Variants in NEBL observed in about 807,000 individuals in gnomAD.
The protein encoded by NEBL is nebulette.
Under a neutral mutation model 140.2 loss-of-function variants are expected in NEBL, and 122 were observed. The observed-to-expected ratio is 0.87, with a 90% CI of 0.75 to 1.01. NEBL has a LOEUF of 1.01. Ranked by LOEUF, NEBL falls within the 50% of genes least tolerant of loss-of-function variation. NEBL has a pLI of 0.00. For synonymous variants in NEBL, 436 were observed against 398.9 expected (o/e 1.09, Z -1.11); for missense variants, 1,365 against 1,231.3 (o/e 1.11, Z -1.62).
chr10:20,899,411 T>C (rs1315375461), upstream of NEBL: 2 of 1,304,062 alleles, frequency 1.5e-6, no homozygotes, highest in Admixed American at 4.6e-5. Flanking sequence ...TATTTCTCAT[T>C]TCCCATCACG....
rs1042533578 is a variant in NEBL, at chr10:20,967,665, G to A, written c.250-5886C>T. On this transcript the variant is annotated intron_variant, in intron 3 of 6. Coordinates refer to the NEBL transcript ENST00000417816. ...ACAAGTGCATACTGGTGAATGTATGGTGGGAGGGGGCTTGATAACAACTTT... is the reference window on the plus strand; with the variant it reads ...ACAAGTGCATACTGGTGAATGTATGATGGGAGGGGGCTTGATAACAACTTT... 9.9e-5 allele frequency among the ~76,000 whole-genome samples: 15 copies of A among 152,112 alleles called. No individual in the cohort carries two copies. In the East Asian group the frequency reaches 2.7e-3, roughly 28 times the overall value.
intron 6 of NEBL, 35 bp downstream of exon 6, chr10:20,869,705 A>G (rs1410451748): frequency 1.8e-5 from 26 of 1,448,286 alleles, no homozygotes; most frequent in Non-Finnish European, 2.2e-5. Context: ...AAAGTAAGAA[A>G]TCATTTCCGT....
intron 3 of NEBL, among the ~76,000 whole-genome samples, chr10:21,218,466 A>AG (rs1014399113): frequency 7.7e-6 from 1 of 129,270 alleles, no homozygotes; most frequent in African/African-American, 4.7e-5. Flanking sequence ...CTCATAAGAT[A>AG]AAATTTTTTT....
chr10:21,140,000 A>AAG (rs1300784154), intron 2 of NEBL, among the ~76,000 whole-genome samples: 2 of 151,648 alleles, frequency 1.3e-5, no homozygotes, highest in East Asian at 3.9e-4. Context: ...AAAAAAAAAA[A>AAG]AAAAAAATAC....
chr10:21,112,855 C>A, intron 2 of NEBL: 1 of 277,408 alleles, frequency 3.6e-6, no homozygotes, highest in Non-Finnish European at 6.9e-6. Context: ...GGTTCAGGGC[C>A]TGTACATATT....
chr10:21,040,186 T>G (rs569598842), intron 2 of NEBL, among the ~76,000 whole-genome samples: 2 of 152,092 alleles, frequency 1.3e-5, no homozygotes, highest in Non-Finnish European at 2.9e-5. Context: ...GCCAACATGA[T>G]GAAACCCCGT....
intron 2 of NEBL, among the ~76,000 whole-genome samples, chr10:21,096,848 T>C (rs533382076): frequency 2.6e-5 from 4 of 152,254 alleles, no homozygotes; most frequent in African/African-American, 7.2e-5. Context: ...GCTAGTTTCA[T>C]CACATTGGTC....
At chr10:21,273,069 CT>C (rs1204862986) in intron 1 of NEBL, among the ~76,000 whole-genome samples, 3 of 152,166 alleles carry the variant, frequency 2.0e-5, no homozygotes, top group East Asian at 3.9e-4. Flanking sequence ...CCAAAGACAA[CT>C]GGAGTCATCT....
chr10:20,905,108 T>G lies in NEBL; in HGVS notation c.357+56564A>C, dbSNP rs532954044. On this transcript the variant is annotated intron_variant, in intron 4 of 6. Coordinates refer to the NEBL transcript ENST00000417816. ...TTCAAGGAAACAAAGGAAAGGGTTT[T>G]GGGGGTTGTAGAGCATATTGCAAAC... is the stretch of plus-strand genomic sequence containing the variant. Among the ~76,000 whole-genome samples, 476 of 152,276 alleles carry G rather than the reference T, an allele frequency of 3.1e-3. 1 individual carries two copies. The highest frequency in any genetic ancestry group is 0.011 in the African/African-American group (461 of 41,564).
At chr10:21,188,598 C>CTTT (rs774673307) in intron 3 of NEBL, among the ~76,000 whole-genome samples, 24 of 125,906 alleles carry the variant, frequency 1.9e-4, no homozygotes, top group African/African-American at 4.6e-4. Flanking sequence ...ATAGTAAAAT[C>CTTT]TTTTTTTTTT....
At chr10:21,119,211 C>T (rs1224868433) in intron 2 of NEBL, among the ~76,000 whole-genome samples, 1 of 151,998 alleles carries the variant, frequency 6.6e-6, no homozygotes, top group Non-Finnish European at 1.5e-5. Context: ...TTTAACAGCT[C>T]AACATTTTTC....
chr10:21,165,165 G>T (rs1840709091), intron 2 of NEBL, among the ~76,000 whole-genome samples: 1 of 152,180 alleles, frequency 6.6e-6, no homozygotes. Context: ...TCTCTATAAA[G>T]TCCCTGGTAG....
At chr10:20,920,429 T>C (rs976370664) in intron 4 of NEBL, among the ~76,000 whole-genome samples, 2 of 152,196 alleles carry the variant, frequency 1.3e-5, no homozygotes, top group Non-Finnish European at 2.9e-5. Flanking sequence ...AAAGAAATTG[T>C]AGTCCAGCGA....
chr10:21,002,073 G>A lies in NEBL; in HGVS notation c.249+18044C>T, dbSNP rs1589125934. Among the ~76,000 whole-genome samples, 8 of 152,056 alleles carry A rather than the reference G, an allele frequency of 5.3e-5. No individual in the cohort carries two copies. In the South Asian group the frequency reaches 1.7e-3, roughly 31 times the overall value. On this transcript the variant is annotated intron_variant, in intron 3 of 6. Transcript: ENST00000417816. ...TTCTTTTTCTTTTTCAGAGATGAAA[G>A]GTACTCGCTCGATGTAAATGTCAAC...
intron 3 of NEBL, among the ~76,000 whole-genome samples, chr10:21,220,212 G>A (rs1001908665): frequency 2.0e-5 from 3 of 152,024 alleles, no homozygotes; most frequent in Admixed American, 1.3e-4. Flanking sequence ...CATGCCCGGC[G>A]TGATTTTTGT....
At chr10:21,185,311 A>C (rs1017742816) in intron 3 of NEBL, among the ~76,000 whole-genome samples, 1 of 152,062 alleles carries the variant, frequency 6.6e-6, no homozygotes, top group Non-Finnish European at 1.5e-5. Flanking sequence ...GACTGCAGAG[A>C]CCTGCTGGGC....
In NEBL at chr10:20,977,900, T is replaced by C. The variant is rs534637435; in HGVS notation, c.250-16121A>G. On this transcript the variant is annotated intron_variant, in intron 3 of 6. Coordinates refer to the NEBL transcript ENST00000417816. ...TTTATCTGTAACTCAAGCCTAACGT[T>C]CCTGCTCATCTCTAGGATTTGCTCG... Among the ~76,000 whole-genome samples, 264 of 152,294 alleles carry C rather than the reference T, an allele frequency of 1.7e-3. 1 individual carries two copies. Among genetic ancestry groups the C allele is most frequent in the African/African-American group, 6.2e-3 (258 of 41,550 alleles).
intron 2 of NEBL, among the ~76,000 whole-genome samples, chr10:21,132,363 A>T (rs1839154218): frequency 6.6e-6 from 1 of 152,180 alleles, no homozygotes; most frequent in East Asian, 1.9e-4. Flanking sequence ...TAGATGTGCC[A>T]TACTTTGTTT....
intron 3 of NEBL, among the ~76,000 whole-genome samples, chr10:21,184,546 A>T (rs1162839894): frequency 6.6e-6 from 1 of 152,202 alleles, no homozygotes; most frequent in Non-Finnish European, 1.5e-5. Flanking sequence ...ACCTGGCTTC[A>T]TGGCGATGGA....
Sources: allele counts gnomAD v4.1 joint callset (sites outside exome capture counted in the v4.1 genomes callset), GRCh38; gene constraint gnomAD v4.1.1; transcripts MANE v1.5; gene names NCBI Gene and HGNC (gene_info 2026-07-23, HGNC 2026-07-21).